The following ZCCHC8 variants were observed in gnomAD, a reference collection of about 807,000 sequenced individuals.
ZCCHC8 encodes the protein zinc finger CCHC-type containing 8.
Under a neutral mutation model 70.6 loss-of-function variants are expected in ZCCHC8, and 27 were observed. The observed-to-expected ratio is 0.38, with a 90% CI of 0.28 to 0.53. ZCCHC8 has a LOEUF of 0.53. ZCCHC8 is among the 20% of genes least tolerant of loss of function. The pLI is 0.81. For synonymous variants in ZCCHC8, 293 were observed against 317.4 expected (o/e 0.92, Z 0.82); for missense variants, 737 against 876.9 (o/e 0.84, Z 2.01).
chr12:122,494,154 CA>C (rs1957789829), intron 2 of ZCCHC8, among the ~76,000 whole-genome samples: 1 of 152,160 alleles, frequency 6.6e-6, no homozygotes, highest in Non-Finnish European at 1.5e-5. Context: ...AGCCCGGGGC[CA>C]GCTGAATGTC....
At chr12:122,475,655 C>T (rs1012425070) in intron 13 of ZCCHC8, among the ~76,000 whole-genome samples, 3 of 152,170 alleles carry the variant, frequency 2.0e-5, no homozygotes, top group South Asian at 4.1e-4. Flanking sequence ...TTGCCAGGAA[C>T]ATCAGAATCA....
chr12:122,492,430 AG>A (rs942801576), intron 3 of ZCCHC8, among the ~76,000 whole-genome samples: 10 of 152,306 alleles, frequency 6.6e-5, no homozygotes, highest in Non-Finnish European at 1.3e-4. Context: ...GCTACCCCAT[AG>A]GTAGTTACTA....
rs746916920 is a variant in ZCCHC8, at chr12:122,473,989, A to C, written c.1632T>G (p.Pro544=). 3 of 1,585,126 alleles carry C rather than the reference A, an allele frequency of 1.9e-6. No individual in the cohort carries two copies. The Admixed American group carries it at 5.5e-5, about 29-fold the overall frequency. Residue 544 remains proline, a synonymous_variant, in exon 14 of 14, where the codon CCT becomes CCG. Coordinates refer to ENST00000633063, the MANE Select transcript of ZCCHC8 (RefSeq NM_017612.5). ...AESVNSDSDV[P]VDTPLTGNSV... is the part of the protein sequence containing the mutation. ...AATTGCCAGTTAAAGGTGTGTCCAC[A>C]GGAACGTCGGAGTCGCTGTTTACGC... is the stretch of plus-strand genomic sequence containing the variant.
At chr12:122,491,700 T>C (rs564474376) in intron 3 of ZCCHC8, among the ~76,000 whole-genome samples, 30 of 151,412 alleles carry the variant, frequency 2.0e-4, no homozygotes, top group African/African-American at 7.3e-4. Flanking sequence ...TGGTGGTGCA[T>C]GCCTGTAATC....
chr12:122,495,451 G>A (rs955920359), intron 2 of ZCCHC8, among the ~76,000 whole-genome samples: 1 of 152,120 alleles, frequency 6.6e-6, no homozygotes, highest in African/African-American at 2.4e-5. Context: ...AGATCATGCC[G>A]CTGTACTCCA....
chr12:122,477,886 C>CATTCTTCTGCTTCTTTGGACT lies in ZCCHC8; in HGVS notation c.1279_1299dup (p.Ser427_Asn433dup). The CATTCTTCTGCTTCTTTGGACT allele has an allele frequency of 6.2e-7, 1 of 1,613,210 alleles. No homozygotes were observed. Among genetic ancestry groups the CATTCTTCTGCTTCTTTGGACT allele is most frequent in the Non-Finnish European group, 8.5e-7 (1 of 1,179,566 alleles). ...GCGGGAGATCCCGCTGAGTTGCTTT[C>CATTCTTCTGCTTCTTTGGACT]ATTCTTCTGCTTCTTTGGACTACCT... On this transcript the variant is annotated inframe_insertion, in exon 13 of 14. Transcript: ENST00000633063.
intron 2 of ZCCHC8, among the ~76,000 whole-genome samples, chr12:122,496,345 TAAG>T (rs1248204911): frequency 6.6e-6 from 1 of 152,176 alleles, no homozygotes; most frequent in Non-Finnish European, 1.5e-5. Context: ...GCACCAATTC[TAAG>T]AAAACACTGA....
In ZCCHC8 at chr12:122,474,242, T is replaced by G. The variant is rs779084971; in HGVS notation, c.1379A>C (p.Glu460Ala). The G allele has an allele frequency of 1.3e-5, 19 of 1,476,400 alleles. No individual in the cohort carries two copies. The highest frequency in any genetic ancestry group is 7.9e-5 in the Admixed American group (3 of 38,088). The allele number at this position is 1,476,400 out of a possible 1,614,324, so 91.5% of individuals were successfully genotyped here. The part of the protein sequence containing the change: ...MEVPHGSQSS[E>A]SFQFQPPLPP... The stretch of plus-strand genomic sequence containing the variant: ...TAATGGTGGTTGAAACTGAAAACTT[T>G]CGCTGCTCTGAGAACCATGTGGTAC... Residue 460 changes from glutamate (E) to alanine (A), a missense_variant, in exon 14 of 14, where the codon GAA becomes GCA. By Grantham distance (107) the Glu-to-Ala change is moderately radical. Transcript: ENST00000633063.
chr12:122,481,418 C>T, intron 10 of ZCCHC8, 104 bp downstream of exon 10: 1 of 1,369,372 alleles, frequency 7.3e-7, no homozygotes, highest in Non-Finnish European at 9.9e-7. Context: ...TTAGTTAGCA[C>T]ACATTAAAGA....
rs184370017 is a variant in ZCCHC8, at chr12:122,473,711, T to C, written c.1910A>G (p.Asn637Ser). ...AGGAAAGAGCTTCTGGCTGCCCCCATTGCTGATGTCACAGTTTGGTACGAC... is the reference window on the plus strand; with the variant it reads ...AGGAAAGAGCTTCTGGCTGCCCCCACTGCTGATGTCACAGTTTGGTACGAC... ...GSVVPNCDIS[N>S]GGSQKLFPAD... Residue 637 changes from asparagine (N) to serine (S), a missense_variant, in exon 14 of 14, where the codon AAT (asparagine) becomes AGT (serine). Physicochemically the swap from Asn to Ser is conservative, Grantham distance 46 (BLOSUM62 1). Transcript: ENST00000633063. 278 of 1,613,968 alleles carry C rather than the reference T, an allele frequency of 1.7e-4. 1 individual carries two copies. In the African/African-American group the frequency reaches 3.2e-3, roughly 19 times the overall value.
In ZCCHC8 at chr12:122,472,097, C is replaced by G. The variant is rs1198281475; in HGVS notation, c.*1400G>C. 1 of 151,758 alleles carries G rather than the reference C, an allele frequency of 6.6e-6. No homozygotes were observed. Among genetic ancestry groups the G allele is most frequent in the African/African-American group, 2.4e-5 (1 of 41,342 alleles). The allele number at this position is 151,758 out of a possible 1,614,324, so 9.4% of individuals were successfully genotyped here. ...TTCATTTTTCAAAATAATTACTTTTCAAAAATTCTGCTGTTTCTATATTTA... is the reference window on the plus strand; with the variant it reads ...TTCATTTTTCAAAATAATTACTTTTGAAAAATTCTGCTGTTTCTATATTTA... On this transcript the variant is annotated 3_prime_UTR_variant, in exon 14 of 14. Coordinates refer to ENST00000633063, the MANE Select transcript of ZCCHC8 (RefSeq NM_017612.5).
chr12:122,486,709 A>T (rs1957650215), intron 5 of ZCCHC8, among the ~76,000 whole-genome samples: 1 of 151,922 alleles, frequency 6.6e-6, no homozygotes, highest in Non-Finnish European at 1.5e-5. Context: ...AGCTGGGATT[A>T]TGGGCTTCAG....
intron 5 of ZCCHC8, among the ~76,000 whole-genome samples, chr12:122,484,754 A>C (rs1284306184): frequency 6.6e-6 from 1 of 151,948 alleles, no homozygotes; most frequent in African/African-American, 2.4e-5. Flanking sequence ...TTCTATACAT[A>C]TCACTGGGCT....
intron 2 of ZCCHC8, 40 bp from the exon 3 acceptor site, chr12:122,492,829 A>G (rs1189565330): frequency 9.5e-6 from 13 of 1,365,576 alleles, no homozygotes; most frequent in Middle Eastern, 3.6e-4. Context: ...AAGATATTTA[A>G]GTAAAACTTG....
In ZCCHC8 at chr12:122,473,857, T is replaced by C; in HGVS notation, c.1764A>G (p.Thr588=). The C allele has an allele frequency of 6.2e-7, 1 of 1,613,978 alleles. No homozygotes were observed. Among genetic ancestry groups the C allele is most frequent in the Non-Finnish European group, 8.5e-7 (1 of 1,179,892 alleles). Reference sequence around the variant, plus strand: ...AGGCATGTCCAGCTTCTGATTTCTTTGTAAAAATCTCTGGTACCTCAGGCT... The same window carrying C: ...AGGCATGTCCAGCTTCTGATTTCTTCGTAAAAATCTCTGGTACCTCAGGCT... ...LDEPEVPEIF[T]KKSEAGHASS... Residue 588 remains threonine, a synonymous_variant, in exon 14 of 14, where the codon ACA becomes ACG. Coordinates refer to ENST00000633063, the MANE Select transcript of ZCCHC8 (RefSeq NM_017612.5).
intron 5 of ZCCHC8, among the ~76,000 whole-genome samples, chr12:122,488,257 C>T (rs1957679001): frequency 6.6e-6 from 1 of 152,150 alleles, no homozygotes; most frequent in South Asian, 2.1e-4. Flanking sequence ...GTCTCGAACT[C>T]CTGACCTCAA....
intron 5 of ZCCHC8, among the ~76,000 whole-genome samples, chr12:122,484,918 T>C (rs190122010): frequency 6.6e-6 from 1 of 152,298 alleles, no homozygotes; most frequent in Admixed American, 6.5e-5. Flanking sequence ...TAGGACATGC[T>C]TCTCCGTTCT....
intron 2 of ZCCHC8, among the ~76,000 whole-genome samples, chr12:122,493,613 A>T (rs1333814893): frequency 1.4e-5 from 2 of 147,054 alleles, no homozygotes; most frequent in Non-Finnish European, 3.0e-5. Flanking sequence ...TTTTTATTTT[A>T]ATTATTTATT....
intron 13 of ZCCHC8, among the ~76,000 whole-genome samples, chr12:122,476,265 T>C (rs1174863469): frequency 6.6e-6 from 1 of 152,224 alleles, no homozygotes; most frequent in African/African-American, 2.4e-5. Context: ...AACTTTATTC[T>C]ATAGACAATA....
Sources: gnomAD v4.1 joint callset for allele counts (sites outside exome capture counted in the v4.1 genomes callset) on GRCh38, gnomAD v4.1.1 for gene constraint, MANE v1.5 for transcripts, NCBI Gene and HGNC (gene_info 2026-07-23, HGNC 2026-07-21) for gene names.